The following SUCLG2 variants were observed in gnomAD, a reference collection of about 807,000 sequenced individuals.
The protein encoded by SUCLG2 is succinate-CoA ligase GDP-forming subunit beta.
SUCLG2 carries 42 observed loss-of-function variants against 47.9 expected under a neutral mutation model. The ratio of observed to expected loss-of-function variants is 0.88; its 90% CI spans 0.69 to 1.14. SUCLG2 has a LOEUF of 1.14. SUCLG2 is among the 50% of genes most tolerant of loss of function. SUCLG2 has a pLI of 0.00. For synonymous variants in SUCLG2, 195 were observed against 197.3 expected (o/e 0.99, Z 0.10); for missense variants, 571 against 525.9 (o/e 1.09, Z -0.84).
At chr3:67,551,056 C>A (rs777545640) in intron 2 of SUCLG2, among the ~76,000 whole-genome samples, 1 of 152,162 alleles carries the variant, frequency 6.6e-6, no homozygotes, top group African/African-American at 2.4e-5. Flanking sequence ...AATAAGTAAT[C>A]TATTACTGAC....
rs1705810024 is a variant in SUCLG2, at chr3:67,512,137, GC to G, written c.661-3235del. ...CCTTTAACATTTACCTTTTGAACAT[GC>G]TTTTGTTACTTTTGCCACATGGAAA... On this transcript the variant is annotated intron_variant, in intron 6 of 10. Transcript: ENST00000307227. Among the ~76,000 whole-genome samples the G allele has an allele frequency of 7.3e-5, 11 of 151,142 alleles. No homozygotes were observed. In the South Asian group the frequency reaches 2.3e-3, roughly 31 times the overall value.
chr3:67,595,396 A>G (rs1176028646), intron 2 of SUCLG2, among the ~76,000 whole-genome samples: 3 of 152,152 alleles, frequency 2.0e-5, no homozygotes, highest in Non-Finnish European at 4.4e-5. Context: ...GACTAATAAA[A>G]TCACCCCAAG....
intron 2 of SUCLG2, among the ~76,000 whole-genome samples, chr3:67,542,170 G>A (rs59742261): frequency 0.048 from 7,234 of 151,998 alleles, 227 homozygotes; most frequent in African/African-American, 0.089. Flanking sequence ...CACCATGCCC[G>A]GCCCTCAACA....
At chr3:67,500,244 T>G (rs2107074281) in intron 7 of SUCLG2, among the ~76,000 whole-genome samples, 1 of 151,014 alleles carries the variant, frequency 6.6e-6, no homozygotes, top group South Asian at 2.1e-4. Context: ...GTATATGGCA[T>G]CTTGGCGTTA....
chr3:67,473,192 T>A (rs1704647650), intron 9 of SUCLG2, among the ~76,000 whole-genome samples: 1 of 152,198 alleles, frequency 6.6e-6, no homozygotes, highest in South Asian at 2.1e-4. Flanking sequence ...TTATTTATTT[T>A]TTTTGAGACA....
At chr3:67,621,336 G>A (rs1369709658) in intron 1 of SUCLG2, among the ~76,000 whole-genome samples, 1 of 150,998 alleles carries the variant, frequency 6.6e-6, no homozygotes, top group Admixed American at 6.6e-5. Flanking sequence ...AAAAAAAAAA[G>A]AAATCTAGTA....
intron 9 of SUCLG2, among the ~76,000 whole-genome samples, chr3:67,491,215 G>A (rs1230668705): frequency 2.1e-5 from 3 of 145,458 alleles, no homozygotes; most frequent in African/African-American, 7.7e-5. Context: ...AGCTACTCAG[G>A]AGGCTAAGTC....
intron 2 of SUCLG2, among the ~76,000 whole-genome samples, chr3:67,580,608 G>A (rs1418511322): frequency 6.6e-6 from 1 of 152,200 alleles, no homozygotes; most frequent in Non-Finnish European, 1.5e-5. Flanking sequence ...TGAAGCCTGA[G>A]ACAACAGGCA....
intron 9 of SUCLG2, among the ~76,000 whole-genome samples, chr3:67,459,078 C>G (rs1174291464): frequency 1.3e-5 from 2 of 152,140 alleles, no homozygotes; most frequent in African/African-American, 4.8e-5. Context: ...TCCAAATGCT[C>G]TTAATTCAAC....
intron 1 of SUCLG2, among the ~76,000 whole-genome samples, chr3:67,639,974 T>C (rs1056993302): frequency 6.6e-6 from 1 of 152,176 alleles, no homozygotes; most frequent in Non-Finnish European, 1.5e-5. Flanking sequence ...AACTTAAAGA[T>C]AGAGAAAACT....
At chr3:67,400,635 G>A (rs942015735) in intron 10 of SUCLG2, 96 bp downstream of exon 10, 2 of 1,525,424 alleles carry the variant, frequency 1.3e-6, no homozygotes, top group South Asian at 1.2e-5. Context: ...CTAGTGTTTC[G>A]TTCTGTTATC....
chr3:67,544,975 C>CT (rs1706825562), intron 2 of SUCLG2, among the ~76,000 whole-genome samples: 1 of 152,124 alleles, frequency 6.6e-6, no homozygotes, highest in South Asian at 2.1e-4. Flanking sequence ...ACCCCAAATA[C>CT]TTTTAAGAGC....
At chr3:67,441,159 A>G (rs537436418) in intron 9 of SUCLG2, among the ~76,000 whole-genome samples, 10 of 152,242 alleles carry the variant, frequency 6.6e-5, no homozygotes, top group Admixed American at 3.3e-4. Context: ...TCTCACTCAT[A>G]AGTAGGAGTT....
chr3:67,409,179 G>T, intron 9 of SUCLG2: 1 of 846,102 alleles, frequency 1.2e-6, no homozygotes, highest in Non-Finnish European at 1.8e-6. Flanking sequence ...AGTTAGATGG[G>T]GCTGGGGAGG....
At chr3:67,508,190 T>G (rs1705690234) in intron 7 of SUCLG2, among the ~76,000 whole-genome samples, 2 of 152,042 alleles carry the variant, frequency 1.3e-5, no homozygotes, top group Non-Finnish European at 2.9e-5. Flanking sequence ...GGGGGGGACT[T>G]GGGGCTTTAC....
intron 9 of SUCLG2, among the ~76,000 whole-genome samples, chr3:67,483,786 C>A (rs374340285): frequency 2.6e-5 from 4 of 152,258 alleles, no homozygotes; most frequent in East Asian, 1.9e-4. Context: ...TGCAGAGCTG[C>A]CCCCTGACAT....
In SUCLG2 at chr3:67,614,113, A is replaced by G. The variant is rs116433828; in HGVS notation, c.85-4517T>C. Among the ~76,000 whole-genome samples, 979 of 152,292 alleles carry G rather than the reference A, an allele frequency of 6.4e-3. 8 individuals carry two copies. The highest frequency in any genetic ancestry group is 0.022 in the African/African-American group (903 of 41,570). ...AAATAACATCTTTGCTGCAGGAGAC[A>G]TGAAGAATCTCTCAGATAATCCATG... On this transcript the variant is annotated intron_variant, in intron 1 of 10. Coordinates refer to ENST00000307227, the MANE Select transcript of SUCLG2 (RefSeq NM_003848.4).
In SUCLG2 at chr3:67,508,859, A is replaced by T. The variant is rs1196272595; in HGVS notation, c.705T>A (p.Ile235=). ...GATTCACTTCCACCTGAGTAGCATC[A>T]ATTTTCAGGAAGAGATTATACAGCT... ...ITKLYNLFLK[I]DATQVEVNPF... Residue 235 remains isoleucine, a synonymous_variant, in exon 7 of 11, where the codon ATT becomes ATA. Transcript: ENST00000307227. 1 of 1,612,516 alleles carries T rather than the reference A, an allele frequency of 6.2e-7. No individual in the cohort carries two copies. The highest frequency in any genetic ancestry group is 1.3e-5 in the African/African-American group (1 of 74,800).
intron 9 of SUCLG2, among the ~76,000 whole-genome samples, chr3:67,440,354 T>G (rs1041215290): frequency 1.3e-5 from 2 of 152,082 alleles, no homozygotes; most frequent in Non-Finnish European, 2.9e-5. Context: ...CCAAAAGCAA[T>G]GGCAACAAAA....
Sources: gnomAD v4.1 joint callset for allele counts (sites outside exome capture counted in the v4.1 genomes callset) on GRCh38, gnomAD v4.1.1 for gene constraint, MANE v1.5 for transcripts, NCBI Gene and HGNC (gene_info 2026-07-23, HGNC 2026-07-21) for gene names.